The following CCSER2 variants were observed in gnomAD, a reference collection of about 807,000 sequenced individuals.
CCSER2 encodes the protein coiled-coil serine rich protein 2.
In CCSER2, 46 loss-of-function variants were observed where a neutral mutation model predicts 92.3. The observed-to-expected ratio is 0.50, with a 90% CI of 0.39 to 0.64. The LOEUF (loss-of-function observed/expected upper bound fraction) is 0.64. CCSER2 is among the 30% of genes least tolerant of loss of function. The probability of loss-of-function intolerance (pLI) is 0.00; values close to 1 mark genes in which losing one functional copy is unlikely to be tolerated. For missense variants in CCSER2, 1,244 were observed against 1,238.9 expected, an observed-to-expected ratio of 1.00 and a Z score of -0.06; for synonymous variants, 433 against 431.4, an observed-to-expected ratio of 1.00 and a Z score of -0.04.
intron 4 of CCSER2, among the ~76,000 whole-genome samples, chr10:84,423,006 G>A (rs905030562): frequency 1.3e-5 from 2 of 150,476 alleles, no homozygotes; most frequent in African/African-American, 2.4e-5. Flanking sequence ...AGTGAGGCAA[G>A]ATCATGCCAC....
chr10:84,393,909 A>G (rs1302582999), intron 3 of CCSER2: 1 of 152,212 alleles, frequency 6.6e-6, no homozygotes, highest in Non-Finnish European at 1.5e-5. Flanking sequence ...AATGTAGGTA[A>G]ATAGAAATCT....
chr10:84,336,206 G>A (rs1843828044), intron 1 of CCSER2, among the ~76,000 whole-genome samples: 1 of 152,084 alleles, frequency 6.6e-6, no homozygotes, highest in Admixed American at 6.5e-5. Flanking sequence ...TTCAATCCTG[G>A]CTTAGAGAAT....
In CCSER2 at chr10:84,348,488, C is replaced by T. The variant is rs563594447; in HGVS notation, c.-40+19680C>T. ...CATGGAAAGAGAGGGAGAGGGAGAC[C>T]GTGGGGAGAGGAAGAGGGAGAGGGC... On this transcript the variant is annotated intron_variant, in intron 1 of 9. Coordinates refer to ENST00000372088, the MANE Select transcript of CCSER2 (RefSeq NM_001284240.2). 1.3e-4 allele frequency among the ~76,000 whole-genome samples: 19 copies of T among 151,800 alleles called. No homozygotes were observed. In the East Asian group the frequency reaches 2.5e-3, roughly 20 times the overall value.
At chr10:84,343,986 C>T (rs1401141065) in intron 1 of CCSER2, among the ~76,000 whole-genome samples, 1 of 152,158 alleles carries the variant, frequency 6.6e-6, no homozygotes, top group Non-Finnish European at 1.5e-5. Flanking sequence ...AGGAGAAGCT[C>T]CTGATATCAA....
chr10:84,473,693 TA>T (rs1258668505), intron 8 of CCSER2, among the ~76,000 whole-genome samples: 4 of 152,256 alleles, frequency 2.6e-5, no homozygotes, highest in African/African-American at 4.8e-5. Context: ...AATCACCTAT[TA>T]AAAAATTTTT....
Position 84,371,132 on chromosome 10 carries a change from T to G in CCSER2, c.80T>G (p.Leu27Trp). Residue 27 changes from leucine (L) to tryptophan (W), a missense_variant, in exon 2 of 10, where the codon TTG (leucine) becomes TGG (tryptophan). Leu to Trp is a moderately conservative substitution (Grantham distance 61, BLOSUM62 -2). Coordinates refer to ENST00000372088, the MANE Select transcript of CCSER2 (RefSeq NM_001284240.2). ...GGAACAAAATCTGTAAGAAGTACAT[T>G]GCAGCCAATGCCAAATGGGACACCT... ...KYGTKSVRSTLQPMPNGTPVN... is the reference protein window; with the variant it reads ...KYGTKSVRSTWQPMPNGTPVN... 3.1e-6 allele frequency: 5 copies of G among 1,613,258 alleles called. No homozygotes were observed. Among genetic ancestry groups the G allele is most frequent in the Non-Finnish European group, 4.2e-6 (5 of 1,179,696 alleles).
At chr10:84,392,191 G>C (rs1840367025) in intron 3 of CCSER2, 7 of 529,644 alleles carry the variant, frequency 1.3e-5, no homozygotes, top group Admixed American at 3.1e-5. Flanking sequence ...AACCCTACTG[G>C]AAGGGGCAGG....
At chr10:84,393,229 G>A (rs1205126911) in intron 3 of CCSER2, among the ~76,000 whole-genome samples, 1 of 152,180 alleles carries the variant, frequency 6.6e-6, no homozygotes, top group Non-Finnish European at 1.5e-5. Context: ...GCACAATGTG[G>A]AAAGCTGATA....
intron 9 of CCSER2, among the ~76,000 whole-genome samples, chr10:84,506,915 G>C (rs1397716520): frequency 6.6e-6 from 1 of 151,850 alleles, no homozygotes. Context: ...AGGTTACTTG[G>C]GACTAAAACT....
At chr10:84,349,604 C>T (rs1324097087) in intron 1 of CCSER2, among the ~76,000 whole-genome samples, 1 of 152,078 alleles carries the variant, frequency 6.6e-6, no homozygotes, top group East Asian at 1.9e-4. Flanking sequence ...ACTGCTTGAG[C>T]CCAGGAAGTC....
chr10:84,389,985 G>A (rs923431428), intron 3 of CCSER2, among the ~76,000 whole-genome samples: 7 of 152,126 alleles, frequency 4.6e-5, no homozygotes, highest in African/African-American at 1.7e-4. Context: ...CTGTTTCAGA[G>A]CCAAGTTTTG....
At chr10:84,338,780 C>G (rs11200999) in intron 1 of CCSER2, among the ~76,000 whole-genome samples, 54,172 of 152,064 alleles carry the variant, frequency 0.36, 11,539 homozygotes, top group East Asian at 0.5. Context: ...TCTCATTTTA[C>G]TGTAACTGCT....
chr10:84,420,564 A>G (rs1049117596), intron 4 of CCSER2, among the ~76,000 whole-genome samples: 4 of 152,150 alleles, frequency 2.6e-5, no homozygotes, highest in Non-Finnish European at 4.4e-5. Context: ...TAGGGAGTCT[A>G]ATAATGTGCT....
intron 4 of CCSER2, among the ~76,000 whole-genome samples, chr10:84,422,821 A>G (rs61865054): frequency 1.6e-4 from 25 of 152,270 alleles, no homozygotes; most frequent in African/African-American, 5.8e-4. Flanking sequence ...TGGGAGGCCA[A>G]GGCATGTGGA....
At position 84,477,575 on chromosome 10, in the gene CCSER2, G is replaced by T. The variant is rs61739462; in HGVS notation, c.2236G>T (p.Ala746Ser). Residue 746 changes from alanine to serine, a missense_variant and splice_region_variant, in exon 9 of 10, where the codon GCA (alanine) becomes TCA (serine). Coordinates refer to ENST00000372088, the MANE Select transcript of CCSER2 (RefSeq NM_001284240.2). ...EKIQLLELQL[A>S]TQHICHQKCK... The stretch of plus-strand genomic sequence containing the variant: ...GTAAAAATTTTGTGTTTTTGTTTAG[G>T]CAACTCAGCATATCTGCCACCAAAA... 6.9e-6 allele frequency: 11 copies of T among 1,597,070 alleles called. No homozygotes were observed. The highest frequency in any genetic ancestry group is 9.4e-6 in the Non-Finnish European group (11 of 1,166,444).
At chr10:84,403,110 A>C (rs924205244) in intron 3 of CCSER2, among the ~76,000 whole-genome samples, 63 of 152,204 alleles carry the variant, frequency 4.1e-4, no homozygotes, top group Admixed American at 4.1e-3. Context: ...AAGCATAGAC[A>C]CATAGATCAA....
chr10:84,359,510 G>C (rs934546058), intron 1 of CCSER2, among the ~76,000 whole-genome samples: 1 of 152,108 alleles, frequency 6.6e-6, no homozygotes, highest in Non-Finnish European at 1.5e-5. Context: ...CTAAGGTAAG[G>C]CCTTAGAAAA....
intron 6 of CCSER2, among the ~76,000 whole-genome samples, chr10:84,446,862 T>C (rs898655379): frequency 6.6e-6 from 1 of 152,072 alleles, no homozygotes; most frequent in African/African-American, 2.4e-5. Context: ...AGTGAAATTA[T>C]AATGTGAGTA....
chr10:84,442,395 A>G (rs1344992423), intron 6 of CCSER2, among the ~76,000 whole-genome samples: 1 of 152,196 alleles, frequency 6.6e-6, no homozygotes, highest in Non-Finnish European at 1.5e-5. Flanking sequence ...ATTAGATGAG[A>G]TGGAAATTTA....
Sources: gnomAD v4.1 joint callset for allele counts (sites outside exome capture counted in the v4.1 genomes callset) on GRCh38, gnomAD v4.1.1 for gene constraint, MANE v1.5 for transcripts, NCBI Gene and HGNC (gene_info 2026-07-23, HGNC 2026-07-21) for gene names.